Variants in ATE1 observed in about 807,000 individuals in gnomAD.
ATE1 encodes arginyl-tRNA--protein transferase 1.
A neutral mutation model predicts 70.5 loss-of-function variants in ATE1; 36 were observed. The ratio of observed to expected loss-of-function variants is 0.51; its 90% confidence interval spans 0.39 to 0.67. The LOEUF is 0.67. Ranked by LOEUF, ATE1 falls within the 30% of genes least tolerant of loss-of-function variation. The pLI is 0.00. For synonymous variants in ATE1, 232 were observed against 219.3 expected (o/e 1.06, Z -0.51); for missense variants, 593 against 629.5 (o/e 0.94, Z 0.62).
At chr10:121,870,670 T>C (rs1208507098) in intron 7 of ATE1, among the ~76,000 whole-genome samples, 2 of 152,254 alleles carry the variant, frequency 1.3e-5, no homozygotes, top group Non-Finnish European at 2.9e-5. Context: ...TCTTTCTTTT[T>C]ATGACACACA....
chr10:121,741,962 T>G lies in ATE1; in HGVS notation c.*1718A>C, dbSNP rs988732075. 2 of 152,214 alleles carry G rather than the reference T, an allele frequency of 1.3e-5. No homozygotes were observed. The highest frequency in any genetic ancestry group is 4.8e-5 in the African/African-American group (2 of 41,444). 9.4% of individuals were successfully genotyped at this position (152,214 alleles called of 1,614,324 possible). A position where few individuals can be genotyped will look rare whatever the true frequency, so the allele number is the denominator to read the frequency against. ...TGTCACTTTTGTTATAATCATAAAA[T>G]GAAGCTCTTTTCATTTTAGAGGAAA... On this transcript the variant is annotated 3_prime_UTR_variant, in exon 12 of 12. Coordinates refer to ENST00000224652, the MANE Select transcript of ATE1 (RefSeq NM_001001976.3).
At chr10:121,756,077 T>C (rs999790421) in intron 11 of ATE1, among the ~76,000 whole-genome samples, 2 of 152,134 alleles carry the variant, frequency 1.3e-5, no homozygotes, top group African/African-American at 4.8e-5. Flanking sequence ...CTAGATACAA[T>C]GGGGGTACAG....
At chr10:121,752,060 G>A (rs1030358175) in intron 11 of ATE1, among the ~76,000 whole-genome samples, 4 of 151,102 alleles carry the variant, frequency 2.6e-5, no homozygotes, top group Admixed American at 1.3e-4. Context: ...AGCCAGGCAC[G>A]GTGGCGGCCG....
In ATE1 at chr10:121,922,338, A is replaced by G; in HGVS notation, c.233+11T>C. On this transcript the variant is annotated intron_variant, in intron 3 of 11. Coordinates refer to ENST00000224652, the MANE Select transcript of ATE1 (RefSeq NM_001001976.3). ...ACTATAAATCCTCTTTCTACTAATT[A>G]AAATTCTTACCTTATTGTGTACTGA... The G allele has an allele frequency of 6.4e-7, 1 of 1,555,562 alleles. No individual in the cohort carries two copies. Among genetic ancestry groups the G allele is most frequent in the South Asian group, 1.1e-5 (1 of 87,834 alleles).
chr10:121,912,758 TGGTGGAGACAGAG>T (rs1951493602), intron 4 of ATE1, among the ~76,000 whole-genome samples: 1 of 151,102 alleles, frequency 6.6e-6, no homozygotes, highest in African/African-American at 2.4e-5. Context: ...TTTTTTTTTT[TGGTGGAGACAGAG>T]TCTTGCTCTG....
chr10:121,872,713 T>C (rs1201679365), intron 7 of ATE1, among the ~76,000 whole-genome samples: 1 of 152,046 alleles, frequency 6.6e-6, no homozygotes, highest in Non-Finnish European at 1.5e-5. Flanking sequence ...CTGATTACTA[T>C]TAAAAAGGAC....
At chr10:121,886,919 A>G (rs1388809185) in intron 7 of ATE1, among the ~76,000 whole-genome samples, 1 of 152,248 alleles carries the variant, frequency 6.6e-6, no homozygotes, top group Non-Finnish European at 1.5e-5. Flanking sequence ...TTTTCTAAAT[A>G]TAAGTTACTA....
At chr10:121,805,074 C>A (rs953719908) in intron 10 of ATE1, among the ~76,000 whole-genome samples, 1 of 152,152 alleles carries the variant, frequency 6.6e-6, no homozygotes, top group African/African-American at 2.4e-5. Flanking sequence ...GCATCTGAGT[C>A]TTCTCTTTCC....
Position 121,811,065 on chromosome 10 carries a change from C to G in ATE1, c.1258-20776G>C, listed in dbSNP as rs1270319986. Among the ~76,000 whole-genome samples, 3 of 152,008 alleles carry G rather than the reference C, an allele frequency of 2.0e-5. No individual in the cohort carries two copies. The East Asian group carries it at 5.8e-4, about 29-fold the overall frequency. The stretch of plus-strand genomic sequence containing the variant: ...ATAAAGGACATTATGGGTCGAATGA[C>G]AAAACTGGAATACAAACAGTATATA... On this transcript the variant is annotated intron_variant, in intron 10 of 11. Transcript: ENST00000224652.
At chr10:121,836,847 G>A (rs775883519) in intron 9 of ATE1, 30 bp from the exon 10 acceptor site, 10 of 1,403,280 alleles carry the variant, frequency 7.1e-6, no homozygotes, top group Non-Finnish European at 9.0e-6. Flanking sequence ...AAAGCTGAAG[G>A]CAGTTAATTC....
At chr10:121,745,263 A>G (rs1944303535) in intron 11 of ATE1, among the ~76,000 whole-genome samples, 1 of 152,218 alleles carries the variant, frequency 6.6e-6, no homozygotes, top group African/African-American at 2.4e-5. Context: ...ACTTCTAAGA[A>G]CAATCCTACA....
In ATE1 at chr10:121,790,124, A is replaced by G. The variant is rs1946376055; in HGVS notation, c.1378+45T>C. The G allele has an allele frequency of 1.9e-6, 3 of 1,611,694 alleles. No homozygotes were observed. The East Asian group carries it at 6.7e-5, about 36-fold the overall frequency. ...CACAGCCACACACACATGGATCATA[A>G]AAACAAAGCCAATGATTTCCAGCTG... On this transcript the variant is annotated intron_variant, in intron 11 of 11. Coordinates refer to ENST00000224652, the MANE Select transcript of ATE1 (RefSeq NM_001001976.3).
At chr10:121,772,546 A>G (rs1389247595) in intron 11 of ATE1, among the ~76,000 whole-genome samples, 1 of 152,216 alleles carries the variant, frequency 6.6e-6, no homozygotes, top group East Asian at 1.9e-4. Context: ...CTTATTCGGA[A>G]TGAAAGGCCC....
chr10:121,924,111 G>GT (rs1951986459), intron 2 of ATE1, among the ~76,000 whole-genome samples, 155 bp downstream of exon 2: 1 of 152,112 alleles, frequency 6.6e-6, no homozygotes, highest in Non-Finnish European at 1.5e-5. Context: ...TCCTAACAAA[G>GT]TTTTTTAAAA....
chr10:121,841,526 T>C (rs1290127137), intron 8 of ATE1, among the ~76,000 whole-genome samples: 1 of 152,170 alleles, frequency 6.6e-6, no homozygotes, highest in Non-Finnish European at 1.5e-5. Context: ...AAATACAGCA[T>C]TTTACAGGAT....
At chr10:121,817,274 C>T (rs1410482047) in intron 10 of ATE1, among the ~76,000 whole-genome samples, 2 of 152,262 alleles carry the variant, frequency 1.3e-5, no homozygotes, top group Non-Finnish European at 2.9e-5. Context: ...GGCACAGCGG[C>T]TCACGCCTGT....
In ATE1 at chr10:121,857,323, G is replaced by A. The variant is rs78884992; in HGVS notation, c.975+12683C>T. 5.5e-3 allele frequency among the ~76,000 whole-genome samples: 844 copies of A among 152,144 alleles called. 2 individuals carry two copies. The highest frequency in any genetic ancestry group is 0.019 in the African/African-American group (791 of 41,490). On this transcript the variant is annotated intron_variant, in intron 8 of 11. Coordinates refer to ENST00000224652, the MANE Select transcript of ATE1 (RefSeq NM_001001976.3). The stretch of plus-strand genomic sequence containing the variant: ...ACTGTTCCCATCTTTATGTCCATGT[G>A]TACCCAAGGTTTAGCTCTCACTTAA...
intron 11 of ATE1, among the ~76,000 whole-genome samples, chr10:121,753,185 G>A (rs1944657318): frequency 2.0e-5 from 3 of 152,126 alleles, no homozygotes; most frequent in African/African-American, 7.2e-5. Context: ...TGTGTATGCT[G>A]AACTCATTTT....
Position 121,869,905 on chromosome 10 carries a change from A to G in ATE1, c.975+101T>C. On this transcript the variant is annotated intron_variant, in intron 8 of 11. Coordinates refer to ENST00000224652, the MANE Select transcript of ATE1 (RefSeq NM_001001976.3). ...ATTGAAGAATATATGTGTCCCACCA[A>G]AATGAGCACTCCTAAATTATCAAAT... 2.6e-6 allele frequency: 3 copies of G among 1,145,502 alleles called. No homozygotes were observed. The Admixed American group carries it at 5.7e-5, about 22-fold the overall frequency. The allele number at this position is 1,145,502 out of a possible 1,614,324, so 71.0% of individuals were successfully genotyped here.
Sources: allele counts gnomAD v4.1 joint callset (sites outside exome capture counted in the v4.1 genomes callset), GRCh38; gene constraint gnomAD v4.1.1; transcripts MANE v1.5; gene names NCBI Gene and HGNC (gene_info 2026-07-23, HGNC 2026-07-21).